Variants in RPAP3 observed in about 807,000 individuals in gnomAD.
RPAP3 encodes RNA polymerase II associated protein 3, also known as RNA polymerase II-associated protein 3.
A neutral mutation model predicts 88.8 loss-of-function variants in RPAP3; 58 were observed. That is an observed-to-expected ratio of 0.65 (90% CI 0.53 to 0.81). The LOEUF (loss-of-function observed/expected upper bound fraction) is 0.81, where lower values mean the gene tolerates loss of function less well. Among genes scored for constraint, RPAP3 ranks in the 40% least tolerant of loss-of-function variants. The probability of loss-of-function intolerance (pLI) is 0.00; values close to 1 mark genes in which losing one functional copy is unlikely to be tolerated. For synonymous variants in RPAP3, 255 were observed against 259.9 expected (o/e 0.98, Z 0.18); for missense variants, 751 against 764.3 (o/e 0.98, Z 0.20).
At chr12:47,680,679 G>A (rs1481655362) in intron 10 of RPAP3, among the ~76,000 whole-genome samples, 3 of 151,436 alleles carry the variant, frequency 2.0e-5, no homozygotes, top group Non-Finnish European at 4.4e-5. Flanking sequence ...ACACACACAG[G>A]AGAACCAAGT....
intron 16 of RPAP3, among the ~76,000 whole-genome samples, chr12:47,665,158 T>C (rs1938844438): frequency 1.3e-5 from 2 of 151,134 alleles, no homozygotes; most frequent in South Asian, 4.2e-4. Context: ...AATGGTGCAA[T>C]CTCGGCTCAC....
chr12:47,690,248 T>C (rs2136633810), intron 6 of RPAP3, among the ~76,000 whole-genome samples: 1 of 152,326 alleles, frequency 6.6e-6, no homozygotes, highest in South Asian at 2.1e-4. Context: ...TATTAATGCC[T>C]ATTTTACAGA....
chr12:47,689,982 C>T (rs1251339717), intron 6 of RPAP3, among the ~76,000 whole-genome samples: 1 of 149,468 alleles, frequency 6.7e-6, no homozygotes, highest in East Asian at 2.0e-4. Context: ...GCGGAGGTTG[C>T]TGTGAGCAGA....
intron 10 of RPAP3, among the ~76,000 whole-genome samples, chr12:47,680,227 C>T (rs1215621730): frequency 6.6e-6 from 1 of 152,096 alleles, no homozygotes; most frequent in African/African-American, 2.4e-5. Context: ...CATGATTCCA[C>T]TTACATAGGA....
intron 4 of RPAP3, among the ~76,000 whole-genome samples, chr12:47,696,635 A>G (rs1939533041): frequency 6.6e-6 from 1 of 151,996 alleles, no homozygotes; most frequent in South Asian, 2.1e-4. Context: ...AGCCTACTCA[A>G]TATGAAGATG....
intron 12 of RPAP3, among the ~76,000 whole-genome samples, chr12:47,672,174 A>T (rs1035316347): frequency 6.6e-6 from 1 of 152,170 alleles, no homozygotes; most frequent in African/African-American, 2.4e-5. Context: ...CTCTCAGGGG[A>T]AACCCCAGGC....
Position 47,696,265 on chromosome 12 carries a change from A to G in RPAP3, c.545+11T>C, listed in dbSNP as rs1433267446. 2 of 1,522,162 alleles carry G rather than the reference A, an allele frequency of 1.3e-6. No individual in the cohort carries two copies. The highest frequency in any genetic ancestry group is 2.4e-5 in the East Asian group (1 of 41,680). The allele number at this position is 1,522,162 out of a possible 1,614,324, so 94.3% of individuals were successfully genotyped here. ...ACATTCACATTCACACACGTCACAG[A>G]AAGTCCTTACTTTTTCAGTCTAAAA... On this transcript the variant is annotated intron_variant, in intron 5 of 16. Transcript: ENST00000005386.
intron 15 of RPAP3, among the ~76,000 whole-genome samples, 200 bp from the exon 16 acceptor site, chr12:47,667,280 T>G (rs1322962225): frequency 6.6e-6 from 1 of 152,218 alleles, no homozygotes; most frequent in Non-Finnish European, 1.5e-5. Context: ...GAGAGCTTAG[T>G]ACGGAAACTA....
Position 47,670,314 on chromosome 12 carries a change from G to A in RPAP3, c.1319C>T (p.Thr440Ile), listed in dbSNP as rs376683177. The A allele has an allele frequency of 5.0e-6, 8 of 1,608,184 alleles. No individual in the cohort carries two copies. The highest frequency in any genetic ancestry group is 6.8e-6 in the Non-Finnish European group (8 of 1,175,734). Reference sequence around the variant, plus strand: ...ATCAATAGTCTGTATCAAATTACCAGTTTCTTCAATAATAACCTTCTTGAG... The same window carrying A: ...ATCAATAGTCTGTATCAAATTACCAATTTCTTCAATAATAACCTTCTTGAG... ...KPLKKVIIEE[T>I]GNLIQTIDVP... The change falls in exon 13 of 17, where the codon ACT becomes ATT. Residue 440 changes from threonine to isoleucine, a missense_variant. Coordinates refer to ENST00000005386, the MANE Select transcript of RPAP3 (RefSeq NM_024604.3).
At chr12:47,669,683 A>C (rs1938956187) in intron 13 of RPAP3, among the ~76,000 whole-genome samples, 1 of 152,206 alleles carries the variant, frequency 6.6e-6, no homozygotes. Context: ...GAAAAAACAC[A>C]TAAACTATTT....
At chr12:47,700,432 C>T (rs1360395447) in intron 3 of RPAP3, among the ~76,000 whole-genome samples, 2 of 152,162 alleles carry the variant, frequency 1.3e-5, no homozygotes, top group Non-Finnish European at 2.9e-5. Flanking sequence ...ACATACATCT[C>T]TACATATTCT....
At chr12:47,670,981 T>C (rs1379536411) in intron 12 of RPAP3, among the ~76,000 whole-genome samples, 1 of 152,218 alleles carries the variant, frequency 6.6e-6, no homozygotes, top group Non-Finnish European at 1.5e-5. Context: ...TGTCTCAATA[T>C]ATAGCAGCTG....
At position 47,669,108 on chromosome 12, in the gene RPAP3, A is replaced by G; in HGVS notation, c.1527-6T>C. 6.2e-7 allele frequency: 1 copy of G among 1,605,074 alleles called. No individual in the cohort carries two copies. Among genetic ancestry groups the G allele is most frequent in the South Asian group, 1.1e-5 (1 of 90,652 alleles). On this transcript the variant is annotated splice_region_variant and splice_polypyrimidine_tract_variant and intron_variant, in intron 13 of 16. Transcript: ENST00000005386. ...GCTTCAAACTGGCTTGAGGTCTGAAATATTTCAGAGGTATCAAACAGAAAA... is the reference window on the plus strand; with the variant it reads ...GCTTCAAACTGGCTTGAGGTCTGAAGTATTTCAGAGGTATCAAACAGAAAA...
rs1353974831 is a variant in RPAP3 at position 47,679,784 on chromosome 12, A to G, written c.1115-10T>C. ...AAAACAGTTTCAAAATCTAAAGCGAATTTTTTAAAAACATTACAACATAGT... is the reference window on the plus strand; with the variant it reads ...AAAACAGTTTCAAAATCTAAAGCGAGTTTTTTAAAAACATTACAACATAGT... On this transcript the variant is annotated splice_polypyrimidine_tract_variant and intron_variant, in intron 10 of 16. Coordinates refer to ENST00000005386, the MANE Select transcript of RPAP3 (RefSeq NM_024604.3). 1.3e-6 allele frequency: 2 copies of G among 1,583,666 alleles called. No individual in the cohort carries two copies. The highest frequency in any genetic ancestry group is 2.2e-5 in the East Asian group (1 of 44,516).
intron 7 of RPAP3, 74 bp downstream of exon 7, chr12:47,689,051 C>T (rs948786211): frequency 1.1e-5 from 8 of 706,426 alleles, no homozygotes; most frequent in South Asian, 3.3e-5. Context: ...ATCTATAGTA[C>T]AAAATCTATG....
intron 5 of RPAP3, 29 bp downstream of exon 5, chr12:47,696,247 C>G (rs1939523098): frequency 1.3e-6 from 2 of 1,483,310 alleles, no homozygotes; most frequent in Non-Finnish European, 9.0e-7. Flanking sequence ...AAGACATTCA[C>G]ATTCACACAC....
chr12:47,676,625 G>A lies in RPAP3; in HGVS notation c.1287+2868C>T, dbSNP rs180685828. ...CAGAGAATACTACAAACACCTCTAC[G>A]CAAATAAACTAGAAAATGTAGGAGG... On this transcript the variant is annotated intron_variant, in intron 12 of 16. Transcript: ENST00000005386. 2.8e-4 allele frequency among the ~76,000 whole-genome samples: 42 copies of A among 152,244 alleles called. No homozygotes were observed. In the East Asian group the frequency reaches 4.6e-3, roughly 17 times the overall value.
At chr12:47,700,940 G>A (rs1195875455) in intron 3 of RPAP3, among the ~76,000 whole-genome samples, 1 of 152,198 alleles carries the variant, frequency 6.6e-6, no homozygotes, top group Non-Finnish European at 1.5e-5. Context: ...TTAGGGGTTA[G>A]AGAAGGTGGC....
rs1474475797 is a variant in RPAP3, at chr12:47,697,678, A to G, written c.336T>C (p.His112=). 6.2e-7 allele frequency: 1 copy of G among 1,609,798 alleles called. No individual in the cohort carries two copies. Among genetic ancestry groups the G allele is most frequent in the Non-Finnish European group, 8.5e-7 (1 of 1,177,664 alleles). ...LDELDKDDST[H]ESLSQESESE... ...ACTCTGATTCTTGAGACAGAGACTC[A>G]TGGGTACTATCGTCTTTGTCAAGCT... is the stretch of plus-strand genomic sequence containing the variant. Residue 112 remains histidine, a synonymous_variant, in exon 4 of 17, where the codon CAT becomes CAC. Transcript: ENST00000005386.
Sources: gnomAD v4.1 joint callset for allele counts (sites outside exome capture counted in the v4.1 genomes callset) on GRCh38, gnomAD v4.1.1 for gene constraint, MANE v1.5 for transcripts, NCBI Gene and HGNC (gene_info 2026-07-23, HGNC 2026-07-21) for gene names.